Variants in RAP1GAP2 observed in about 807,000 individuals in gnomAD.
The protein encoded by RAP1GAP2 is rap1 GTPase-activating protein 2.
A neutral mutation model predicts 95.0 loss-of-function variants in RAP1GAP2; 27 were observed. That is an observed-to-expected ratio of 0.28 (90% CI 0.21 to 0.39). The LOEUF (loss-of-function observed/expected upper bound fraction) is 0.39. Among genes scored for constraint, RAP1GAP2 ranks in the 10% least tolerant of loss-of-function variants. RAP1GAP2 has a pLI of 1.00. For synonymous variants in RAP1GAP2, 373 were observed against 380.9 expected (o/e 0.98, Z 0.24); for missense variants, 771 against 970.0 (o/e 0.79, Z 2.72).
chr17:2,882,876 C>T lies in RAP1GAP2; in HGVS notation c.81-22408C>T, dbSNP rs114857927. On this transcript the variant is annotated intron_variant, in intron 2 of 24. Transcript: ENST00000254695. ...TGACTGATTCGTGTCATGTCCCCAG[C>T]GGCTAGCGCTATGCTGGCACACCGT... 7.5e-3 allele frequency among the ~76,000 whole-genome samples: 1,136 copies of T among 152,340 alleles called. 12 individuals are homozygous for T. The highest frequency in any genetic ancestry group is 0.025 in the African/African-American group (1,045 of 41,572).
At chr17:2,831,373 A>G (rs2070846213) in intron 2 of RAP1GAP2, among the ~76,000 whole-genome samples, 1 of 151,198 alleles carries the variant, frequency 6.6e-6, no homozygotes, top group African/African-American at 2.4e-5. Context: ...CACCATGCCC[A>G]GCCTCCTATT....
intron 16 of RAP1GAP2, 79 bp downstream of exon 16, chr17:3,006,120 CT>C (rs537126167): frequency 0.1 from 40,376 of 394,988 alleles, 4 homozygotes; most frequent in South Asian, 0.17. Flanking sequence ...GCTCCTCCAT[CT>C]TTTTTTTTTT....
At chr17:2,989,108 A>G (rs1199227287) in intron 11 of RAP1GAP2, among the ~76,000 whole-genome samples, 2 of 151,844 alleles carry the variant, frequency 1.3e-5, no homozygotes, top group Non-Finnish European at 2.9e-5. Flanking sequence ...AAAAACTGCC[A>G]AACAGTTTTC....
chr17:2,812,636 C>G (rs2069820948), intron 2 of RAP1GAP2, among the ~76,000 whole-genome samples: 2 of 152,046 alleles, frequency 1.3e-5, no homozygotes, highest in South Asian at 4.1e-4. Context: ...CCTTCCCTCC[C>G]CCAGGACGGT....
intron 3 of RAP1GAP2, among the ~76,000 whole-genome samples, chr17:2,936,702 A>G (rs1437567803): frequency 2.0e-5 from 3 of 152,128 alleles, no homozygotes; most frequent in East Asian, 1.9e-4. Context: ...GTGTACCATT[A>G]GACGCAGCCC....
chr17:2,972,679 C>T (rs1196537395), intron 8 of RAP1GAP2, among the ~76,000 whole-genome samples: 1 of 150,136 alleles, frequency 6.7e-6, no homozygotes, highest in Non-Finnish European at 1.5e-5. Context: ...GGCCAATATT[C>T]CTTACGAATG....
At chr17:2,838,708 TG>T (rs2071250831) in intron 2 of RAP1GAP2, among the ~76,000 whole-genome samples, 1 of 152,130 alleles carries the variant, frequency 6.6e-6, no homozygotes, top group Non-Finnish European at 1.5e-5. Flanking sequence ...AGATGACATT[TG>T]GTGGTAAGAG....
At position 3,005,852 on chromosome 17, in the gene RAP1GAP2, G is replaced by C; in HGVS notation, c.1273-103G>C. 9.1e-7 allele frequency: 1 copy of C among 1,102,322 alleles called. No homozygotes were observed. The highest frequency in any genetic ancestry group is 1.4e-6 in the Non-Finnish European group (1 of 716,354). The allele number at this position is 1,102,322 out of a possible 1,614,324, so 68.3% of individuals were successfully genotyped here. A position where few individuals can be genotyped will look rare whatever the true frequency, so the allele number is the denominator to read the frequency against. ...CCGCTGTCGGAAGGGACTTTTCAGG[G>C]GTTCTCCCCATGGCCCCGGCTCTGC... On this transcript the variant is annotated intron_variant, in intron 15 of 24. Transcript: ENST00000254695. This position sits in a 1 kb window ranked among gnomAD's most constrained non-coding sequence, Gnocchi z 5.2.
Position 2,866,076 on chromosome 17 carries a change from G to A in RAP1GAP2, c.81-39208G>A, listed in dbSNP as rs2072600232. ...GAGAAGAGGTGCAGGGAGCCCTGGA[G>A]GTCAGAAGAAAGGGGGACCGCCCAA... On this transcript the variant is annotated intron_variant, in intron 2 of 24. Transcript: ENST00000254695. The surrounding 1 kb of genome is among the most constrained non-coding windows in gnomAD (Gnocchi z 4.0). Among the ~76,000 whole-genome samples the A allele has an allele frequency of 6.6e-6, 1 of 152,214 alleles. No individual in the cohort carries two copies. The highest frequency in any genetic ancestry group is 6.5e-5 in the Admixed American group (1 of 15,288).
chr17:2,829,164 A>T (rs2070724754), intron 2 of RAP1GAP2, among the ~76,000 whole-genome samples: 1 of 151,664 alleles, frequency 6.6e-6, no homozygotes, highest in South Asian at 2.1e-4. Context: ...TTGTATTTTT[A>T]GTAGAGACGG....
intron 19 of RAP1GAP2, among the ~76,000 whole-genome samples, chr17:3,022,504 T>G (rs1457362387): frequency 6.6e-6 from 1 of 152,266 alleles, no homozygotes; most frequent in Non-Finnish European, 1.5e-5. Flanking sequence ...TGTTTTTTGA[T>G]ATACTTGTTT....
At chr17:2,858,078 C>A (rs2072220452) in intron 2 of RAP1GAP2, among the ~76,000 whole-genome samples, 1 of 152,082 alleles carries the variant, frequency 6.6e-6, no homozygotes, top group African/African-American at 2.4e-5. Flanking sequence ...CTAGCCTGGG[C>A]AACACAGCGA....
In RAP1GAP2 at chr17:3,004,652, G is replaced by A. The variant is rs951852880; in HGVS notation, c.1201-717G>A. 1.5e-4 allele frequency among the ~76,000 whole-genome samples: 23 copies of A among 152,358 alleles called. No individual in the cohort carries two copies. The highest frequency in any genetic ancestry group is 5.3e-4 in the African/African-American group (22 of 41,600). On this transcript the variant is annotated intron_variant, in intron 14 of 24. Coordinates refer to ENST00000254695, the MANE Select transcript of RAP1GAP2 (RefSeq NM_015085.5). The surrounding 1 kb of genome is among the most constrained non-coding windows in gnomAD (Gnocchi z 4.1). ...CTCAGTCTCACTCAGGGTGCCAGAGGTGCGCGCCCCACCCTCAGTTCCTAG... is the reference window on the plus strand; with the variant it reads ...CTCAGTCTCACTCAGGGTGCCAGAGATGCGCGCCCCACCCTCAGTTCCTAG...
intron 3 of RAP1GAP2, among the ~76,000 whole-genome samples, chr17:2,930,525 C>T (rs372744955): frequency 1.1e-4 from 16 of 152,186 alleles, no homozygotes; most frequent in Non-Finnish European, 1.8e-4. Flanking sequence ...CAGGCTCATC[C>T]GGAGTTTCAG....
At chr17:2,834,430 G>T (rs1044603151) in intron 2 of RAP1GAP2, among the ~76,000 whole-genome samples, 1 of 152,166 alleles carries the variant, frequency 6.6e-6, no homozygotes, top group Non-Finnish European at 1.5e-5. Flanking sequence ...TGGCAGTTGG[G>T]TGGGAAGAGG....
intron 2 of RAP1GAP2, among the ~76,000 whole-genome samples, chr17:2,847,428 C>T (rs2071637439): frequency 6.6e-6 from 1 of 152,146 alleles, no homozygotes; most frequent in Non-Finnish European, 1.5e-5. Context: ...ACCCAAAGCC[C>T]TAGTCGCCTG....
intron 17 of RAP1GAP2, among the ~76,000 whole-genome samples, chr17:3,015,306 G>A (rs2046720646): frequency 6.6e-6 from 1 of 152,104 alleles, no homozygotes; most frequent in African/African-American, 2.4e-5. Flanking sequence ...ACACCTCACT[G>A]TCAGTAGCTC....
At position 3,027,120 on chromosome 17, in the gene RAP1GAP2, G is replaced by C; in HGVS notation, c.2107+50G>C. The C allele has an allele frequency of 6.6e-7, 1 of 1,522,132 alleles. No homozygotes were observed. The highest frequency in any genetic ancestry group is 1.3e-5 in the South Asian group (1 of 79,104). The allele number at this position is 1,522,132 out of a possible 1,614,324, so 94.3% of individuals were successfully genotyped here. A position where few individuals can be genotyped will look rare whatever the true frequency, so the allele number is the denominator to read the frequency against. On this transcript the variant is annotated intron_variant, in intron 22 of 24. Coordinates refer to ENST00000254695, the MANE Select transcript of RAP1GAP2 (RefSeq NM_015085.5). This position sits in a 1 kb window ranked among gnomAD's most constrained non-coding sequence, Gnocchi z 5.2. ...TGACGTCACCAGGAGGGCAGGCTGTGCCCTGTCCACTGTTAGCAGGGCCCC... is the reference window on the plus strand; with the variant it reads ...TGACGTCACCAGGAGGGCAGGCTGTCCCCTGTCCACTGTTAGCAGGGCCCC...
In RAP1GAP2 at chr17:2,978,761, C is replaced by G. The variant is rs146512007; in HGVS notation, c.597-1526C>G. On this transcript the variant is annotated intron_variant, in intron 8 of 24. Transcript: ENST00000254695. ...CCAGCCTGGCCAACATAGTGAAACC[C>G]TGTCTCTACTAAAAATATAAAAAAT... is the stretch of plus-strand genomic sequence containing the variant. Among the ~76,000 whole-genome samples the G allele has an allele frequency of 0.02, 3,111 of 152,074 alleles. 174 individuals are homozygous for G. The East Asian group carries it at 0.21, about 10-fold the overall frequency.
Sources: allele counts gnomAD v4.1 joint callset (sites outside exome capture counted in the v4.1 genomes callset), GRCh38; gene constraint gnomAD v4.1.1; non-coding constraint Gnocchi (gnomAD v3.1); transcripts MANE v1.5; gene names NCBI Gene and HGNC (gene_info 2026-07-23, HGNC 2026-07-21).